Variants in TAS2R1 observed in about 807,000 individuals in gnomAD.
The protein encoded by TAS2R1 is taste receptor type 2 member 1.
For missense variants in TAS2R1, 370 were observed against 353.4 expected (o/e 1.05, Z -0.38); for synonymous variants, 141 against 134.2 (o/e 1.05, Z -0.35).
intron 2 of TAS2R1, among the ~76,000 whole-genome samples, chr5:9,638,994 C>A (rs1240283392): frequency 6.6e-6 from 1 of 152,194 alleles, no homozygotes; most frequent in East Asian, 1.9e-4. Flanking sequence ...TGCCCAAGAC[C>A]ATGCGCACCC....
the TAS2R1 span, among the ~76,000 whole-genome samples, chr5:9,866,308 C>A: frequency 6.6e-6 from 1 of 152,048 alleles, no homozygotes; most frequent in East Asian, 1.9e-4. Flanking sequence ...ATCTTAATTG[C>A]GAGTATTTAA....
At chr5:9,886,951 C>T in the TAS2R1 span, among the ~76,000 whole-genome samples, 42 of 152,284 alleles carry the variant, frequency 2.8e-4, no homozygotes, top group East Asian at 7.3e-3. Context: ...CTTAACACCA[C>T]AGCACAGCTT....
chr5:9,756,968 A>T, the TAS2R1 span, among the ~76,000 whole-genome samples: 1 of 152,246 alleles, frequency 6.6e-6, no homozygotes, highest in Admixed American at 6.5e-5. Context: ...AATCAAGGAC[A>T]TAATAAAGTC....
the TAS2R1 span, among the ~76,000 whole-genome samples, chr5:9,869,180 C>T: frequency 6.6e-6 from 1 of 152,184 alleles, no homozygotes; most frequent in African/African-American, 2.4e-5. Context: ...GGTATCTTTA[C>T]AGCAGCGTTC....
At chr5:9,728,795 C>T in the TAS2R1 span, among the ~76,000 whole-genome samples, 9 of 152,192 alleles carry the variant, frequency 5.9e-5, no homozygotes, top group African/African-American at 2.2e-4. Context: ...CAAGACTCAA[C>T]ACACTCCATT....
At chr5:9,724,685 C>T in the TAS2R1 span, among the ~76,000 whole-genome samples, 1 of 152,182 alleles carries the variant, frequency 6.6e-6, no homozygotes, top group Non-Finnish European at 1.5e-5. Context: ...GGAATGACTT[C>T]ATTTCTTCAA....
chr5:9,784,479 C>A, the TAS2R1 span, among the ~76,000 whole-genome samples: 2 of 152,168 alleles, frequency 1.3e-5, no homozygotes, highest in African/African-American at 2.4e-5. Context: ...TCAATGTAGG[C>A]AAAGGAAAAA....
chr5:9,735,992 G>C, the TAS2R1 span, among the ~76,000 whole-genome samples: 1 of 152,144 alleles, frequency 6.6e-6, no homozygotes, highest in Non-Finnish European at 1.5e-5. Context: ...TCCAATCAGT[G>C]GGCATGCAGC....
chr5:9,759,144 TTTA>T, the TAS2R1 span, among the ~76,000 whole-genome samples: 2 of 152,212 alleles, frequency 1.3e-5, no homozygotes, highest in Non-Finnish European at 2.9e-5. Context: ...ATTACAAACA[TTTA>T]TTATTTAAAA....
chr5:9,790,009 A>G, the TAS2R1 span, among the ~76,000 whole-genome samples: 1 of 152,246 alleles, frequency 6.6e-6, no homozygotes, highest in East Asian at 1.9e-4. Flanking sequence ...CAGAAGAAAC[A>G]TATATCACTC....
chr5:9,881,475 A>G, the TAS2R1 span, among the ~76,000 whole-genome samples: 2 of 152,196 alleles, frequency 1.3e-5, no homozygotes, highest in Non-Finnish European at 1.5e-5. Context: ...TTAAACAACC[A>G]TTGACATTCC....
At chr5:9,708,341 A>C (rs966064683) in intron 1 of TAS2R1, among the ~76,000 whole-genome samples, 2 of 152,226 alleles carry the variant, frequency 1.3e-5, no homozygotes, top group South Asian at 4.1e-4. Context: ...AATTTTGTTC[A>C]CTTAATTTTC....
chr5:9,740,559 T>A, the TAS2R1 span, among the ~76,000 whole-genome samples: 7 of 152,214 alleles, frequency 4.6e-5, no homozygotes, highest in African/African-American at 1.4e-4. Context: ...ATCTAAGCTG[T>A]GGAATTTTTT....
the TAS2R1 span, among the ~76,000 whole-genome samples, chr5:9,785,512 C>A: frequency 3.3e-5 from 5 of 152,236 alleles, no homozygotes; most frequent in East Asian, 9.6e-4. Flanking sequence ...CTTCCTTTAT[C>A]TTTGTGGAGA....
the TAS2R1 span, among the ~76,000 whole-genome samples, chr5:9,810,811 T>G: frequency 6.6e-6 from 1 of 152,176 alleles, no homozygotes; most frequent in Non-Finnish European, 1.5e-5. Flanking sequence ...GAACCTTGCC[T>G]GACAATCACC....
At chr5:9,784,714 T>A in the TAS2R1 span, among the ~76,000 whole-genome samples, 5 of 152,160 alleles carry the variant, frequency 3.3e-5, no homozygotes, top group African/African-American at 1.2e-4. Flanking sequence ...GGAGGATCCT[T>A]CCTTGCATCT....
intron 1 of TAS2R1, among the ~76,000 whole-genome samples, chr5:9,692,785 C>G (rs1006088390): frequency 1.3e-5 from 2 of 152,174 alleles, no homozygotes; most frequent in Admixed American, 1.3e-4. Context: ...TTATGTGATG[C>G]GGAGCTGGAT....
At chr5:9,880,058 C>T in the TAS2R1 span, among the ~76,000 whole-genome samples, 4 of 152,156 alleles carry the variant, frequency 2.6e-5, no homozygotes, top group Non-Finnish European at 4.4e-5. Flanking sequence ...TTAACATACT[C>T]GAGTTCTACA....
chr5:9,792,124 C>T, the TAS2R1 span, among the ~76,000 whole-genome samples: 1 of 152,130 alleles, frequency 6.6e-6, no homozygotes, highest in Non-Finnish European at 1.5e-5. Context: ...TTTGAAGTCC[C>T]AAGACCTGGA....
Sources: gnomAD v4.1 joint callset for allele counts (sites outside exome capture counted in the v4.1 genomes callset) on GRCh38, gnomAD v4.1.1 for gene constraint, MANE v1.5 for transcripts, NCBI Gene and HGNC (gene_info 2026-07-23, HGNC 2026-07-21) for gene names.